Variants in RRP15 observed in about 807,000 individuals in gnomAD.
The protein encoded by RRP15 is ribosomal RNA processing 15 homolog.
RRP15 carries 18 observed loss-of-function variants against 27.1 expected under a neutral mutation model. The observed-to-expected ratio is 0.66, with a 90% CI of 0.46 to 0.98. The LOEUF (loss-of-function observed/expected upper bound fraction) is 0.98. RRP15 is among the 50% of genes least tolerant of loss of function. RRP15 has a pLI of 0.00. For synonymous variants in RRP15, 107 were observed against 109.4 expected, an observed-to-expected ratio of 0.98 and a Z score of 0.14; for missense variants, 359 against 337.8, an observed-to-expected ratio of 1.06 and a Z score of -0.49.
At chr1:218,317,105 G>C (rs1205914009) in intron 4 of RRP15, among the ~76,000 whole-genome samples, 1 of 152,166 alleles carries the variant, frequency 6.6e-6, no homozygotes, top group East Asian at 1.9e-4. Context: ...TGGGGGTGCT[G>C]TCATACTATT....
chr1:218,302,958 G>A (rs1053882253), intron 2 of RRP15, among the ~76,000 whole-genome samples: 16 of 151,832 alleles, frequency 1.1e-4, no homozygotes, highest in African/African-American at 3.1e-4. Flanking sequence ...AGGAATCTGT[G>A]ACAATGTCGT....
At chr1:218,330,348 T>G (rs1656346044) in intron 4 of RRP15, among the ~76,000 whole-genome samples, 1 of 152,208 alleles carries the variant, frequency 6.6e-6, no homozygotes, top group South Asian at 2.1e-4. Flanking sequence ...TTATTTATAA[T>G]TTCAACATAC....
chr1:218,333,872 G>T lies in RRP15; in HGVS notation c.*2781G>T, dbSNP rs1656411304. On this transcript the variant is annotated 3_prime_UTR_variant, in exon 5 of 5. Transcript: ENST00000366932. Reference sequence around the variant, plus strand: ...CCATTTATTTAAACATAACACCTAGGATTTTATTTTTGGTAACTACTTAGA... The same window carrying T: ...CCATTTATTTAAACATAACACCTAGTATTTTATTTTTGGTAACTACTTAGA... 1 of 152,074 alleles carries T rather than the reference G, an allele frequency of 6.6e-6. No individual in the cohort carries two copies. Among genetic ancestry groups the T allele is most frequent in the East Asian group, 1.9e-4 (1 of 5,196 alleles). The allele number at this position is 152,074 out of a possible 1,614,324, so 9.4% of individuals were successfully genotyped here.
rs1249408444 is a variant in RRP15, at chr1:218,324,102, CCT to C, written c.706-6842_706-6841del. ...CCAGGCCCAAGTCCTCCTCTTGGCC[CCT>C]CTCAGCCTGCCCCTCCGTGCCTGAC... On this transcript the variant is annotated intron_variant, in intron 4 of 4. Coordinates refer to ENST00000366932, the MANE Select transcript of RRP15 (RefSeq NM_016052.4). Among the ~76,000 whole-genome samples the C allele has an allele frequency of 1.2e-4, 19 of 152,324 alleles. No individual in the cohort carries two copies. In the East Asian group the frequency reaches 3.5e-3, roughly 28 times the overall value.
intron 4 of RRP15, among the ~76,000 whole-genome samples, chr1:218,329,790 G>A (rs1212404128): frequency 6.6e-6 from 1 of 151,474 alleles, no homozygotes. Context: ...TGAGCCAATA[G>A]GACAGTTTTC....
At chr1:218,302,704 G>A (rs946575284) in intron 2 of RRP15, 145 bp downstream of exon 2, 3 of 1,298,892 alleles carry the variant, frequency 2.3e-6, no homozygotes, top group African/African-American at 3.0e-5. Flanking sequence ...CTAAGGTTAT[G>A]TTTAGGAATT....
chr1:218,316,117 T>C (rs1471069308), intron 4 of RRP15, among the ~76,000 whole-genome samples: 2 of 152,234 alleles, frequency 1.3e-5, no homozygotes, highest in African/African-American at 4.8e-5. Flanking sequence ...ACAACAGTTT[T>C]AATCAAAATG....
Position 218,334,923 on chromosome 1 carries a change from T to C in RRP15, c.*3832T>C, listed in dbSNP as rs1473402688. 1 of 152,196 alleles carries C rather than the reference T, an allele frequency of 6.6e-6. No homozygotes were observed. The highest frequency in any genetic ancestry group is 1.9e-4 in the East Asian group (1 of 5,200). The allele number at this position is 152,196 out of a possible 1,614,324, so 9.4% of individuals were successfully genotyped here. A position where few individuals can be genotyped will look rare whatever the true frequency, so the allele number is the denominator to read the frequency against. ...ACTGTTGCAGCACTGGTAGTCCTGGTAAATTTTTTCAGTGGGCGAGCTTTT... is the reference window on the plus strand; with the variant it reads ...ACTGTTGCAGCACTGGTAGTCCTGGCAAATTTTTTCAGTGGGCGAGCTTTT... On this transcript the variant is annotated 3_prime_UTR_variant, in exon 5 of 5. Coordinates refer to ENST00000366932, the MANE Select transcript of RRP15 (RefSeq NM_016052.4).
In RRP15 at chr1:218,302,519, A is replaced by T; in HGVS notation, c.365A>T (p.Lys122Ile). The T allele has an allele frequency of 6.2e-7, 1 of 1,613,424 alleles. No homozygotes were observed. Among genetic ancestry groups the T allele is most frequent in the Non-Finnish European group, 8.5e-7 (1 of 1,179,826 alleles). Reference sequence around the variant, plus strand: ...AAAAATAAGAAGCTGGAAAAGGAAAAAGAAAAGTTAAAGCAAGAAAGACTA... The same window carrying T: ...AAAAATAAGAAGCTGGAAAAGGAAATAGAAAAGTTAAAGCAAGAAAGACTA... ...LVKNKKLEKE[K>I]EKLKQERLEK... The change falls in exon 2 of 5, where the codon AAA becomes ATA. Residue 122 changes from lysine to isoleucine, a missense_variant. Transcript: ENST00000366932.
chr1:218,314,355 G>A (rs1283681131), intron 4 of RRP15, among the ~76,000 whole-genome samples: 27 of 152,082 alleles, frequency 1.8e-4, no homozygotes, highest in Non-Finnish European at 1.5e-5. Context: ...TTTTATTAAT[G>A]TAGAGGCATT....
intron 4 of RRP15, among the ~76,000 whole-genome samples, chr1:218,319,713 T>C (rs1324056314): frequency 1.3e-5 from 2 of 152,250 alleles, no homozygotes; most frequent in African/African-American, 4.8e-5. Flanking sequence ...GTTTTGTTTA[T>C]ATAGCATTTC....
chr1:218,311,901 G>T (rs1033607197), intron 4 of RRP15, among the ~76,000 whole-genome samples: 2 of 152,230 alleles, frequency 1.3e-5, no homozygotes, highest in Non-Finnish European at 2.9e-5. Context: ...AATTATTCGG[G>T]TAGGCCCTAA....
intron 4 of RRP15, among the ~76,000 whole-genome samples, chr1:218,326,679 C>T (rs1656277946): frequency 6.6e-6 from 1 of 152,304 alleles, no homozygotes; most frequent in East Asian, 1.9e-4. Flanking sequence ...TGCGTACCAG[C>T]ATTTTGGGAG....
At chr1:218,296,255 A>G (rs1655717590) in intron 1 of RRP15, among the ~76,000 whole-genome samples, 1 of 152,226 alleles carries the variant, frequency 6.6e-6, no homozygotes, top group Non-Finnish European at 1.5e-5. Context: ...TCACAAGTTG[A>G]CAGCCCCGTT....
chr1:218,313,797 A>C (rs923505848), intron 4 of RRP15, among the ~76,000 whole-genome samples: 3 of 152,166 alleles, frequency 2.0e-5, no homozygotes, highest in African/African-American at 4.8e-5. Context: ...AGAGTTTTCC[A>C]CATGAATAAA....
intron 1 of RRP15, among the ~76,000 whole-genome samples, chr1:218,298,959 T>A (rs188827188): frequency 4.7e-4 from 71 of 152,316 alleles, no homozygotes; most frequent in African/African-American, 1.5e-3. Context: ...TTCAAAGGCA[T>A]TTTTTACTTG....
rs753955517 is a variant in RRP15 at position 218,331,019 on chromosome 1, G to A, written c.777G>A (p.Met259Ile). 1.2e-6 allele frequency: 2 copies of A among 1,613,820 alleles called. No individual in the cohort carries two copies. The highest frequency in any genetic ancestry group is 1.7e-6 in the Non-Finnish European group (2 of 1,179,788). The change falls in exon 5 of 5, where the codon ATG (methionine) becomes ATA (isoleucine). Residue 259 changes from methionine (M) to isoleucine (I), a missense_variant. Coordinates refer to ENST00000366932, the MANE Select transcript of RRP15 (RefSeq NM_016052.4). The stretch of plus-strand genomic sequence containing the variant: ...ATGATTTCATGATGGGAGCATCTAT[G>A]AAAGACTGGGACAAGGAAAGTGATG... ...LRDDFMMGAS[M>I]KDWDKESDGP... is the part of the protein sequence containing the mutation.
rs554958584 is a variant in RRP15 at position 218,331,017 on chromosome 1, A to G, written c.775A>G (p.Met259Val). 1.2e-4 allele frequency: 201 copies of G among 1,613,890 alleles called. No homozygotes were observed. The highest frequency in any genetic ancestry group is 9.2e-4 in the Admixed American group (55 of 60,030). Reference sequence around the variant, plus strand: ...TGATGATTTCATGATGGGAGCATCTATGAAAGACTGGGACAAGGAAAGTGA... The same window carrying G: ...TGATGATTTCATGATGGGAGCATCTGTGAAAGACTGGGACAAGGAAAGTGA... ...LRDDFMMGAS[M>V]KDWDKESDGP... is the part of the protein sequence containing the mutation. The change falls in exon 5 of 5, where the codon ATG (methionine) becomes GTG (valine). Residue 259 changes from methionine (M) to valine (V), a missense_variant. Transcript: ENST00000366932.
intron 1 of RRP15, among the ~76,000 whole-genome samples, chr1:218,288,216 T>C (rs533587886): frequency 1.3e-5 from 2 of 152,278 alleles, no homozygotes; most frequent in South Asian, 4.1e-4. Context: ...TTGTAGGCAA[T>C]TGCAAAATTC....
Sources: allele counts gnomAD v4.1 joint callset (sites outside exome capture counted in the v4.1 genomes callset), GRCh38; gene constraint gnomAD v4.1.1; transcripts MANE v1.5; gene names NCBI Gene and HGNC (gene_info 2026-07-23, HGNC 2026-07-21).